ZSWIM5: variants seen among roughly 807,000 people sequenced by gnomAD.
ZSWIM5 encodes the protein zinc finger SWIM domain-containing protein 5.
Under a neutral mutation model 119.6 loss-of-function variants are expected in ZSWIM5, and 55 were observed. The ratio of observed to expected loss-of-function variants is 0.46; its 90% CI spans 0.37 to 0.58. The LOEUF is 0.58. Among genes scored for constraint, ZSWIM5 ranks in the 20% least tolerant of loss-of-function variants. The pLI is 0.00. For synonymous variants in ZSWIM5, 537 were observed against 606.9 expected (o/e 0.88, Z 1.69); for missense variants, 1,193 against 1,512.8 (o/e 0.79, Z 3.51).
intron 1 of ZSWIM5, among the ~76,000 whole-genome samples, chr1:45,176,922 G>A (rs1043231113): frequency 1.3e-5 from 2 of 152,038 alleles, no homozygotes; most frequent in Non-Finnish European, 2.9e-5. Context: ...AGCACCCCAT[G>A]CTAGGCCACT....
rs114801398 is a variant in ZSWIM5 at position 45,057,631 on chromosome 1, A to C, written c.1252+978T>G. 3.4e-3 allele frequency among the ~76,000 whole-genome samples: 523 copies of C among 152,362 alleles called. 2 individuals are homozygous for C. The highest frequency in any genetic ancestry group is 0.012 in the African/African-American group (500 of 41,586). On this transcript the variant is annotated intron_variant, in intron 4 of 13. Coordinates refer to ENST00000359600, the MANE Select transcript of ZSWIM5 (RefSeq NM_020883.2). This position sits in a 1 kb window ranked among gnomAD's most constrained non-coding sequence, Gnocchi z 4.7. ...TGTTACAGAGGGATATTTGATTTAA[A>C]GTCAGACAGATTGGGCTTCCAGTGT...
At chr1:45,153,476 A>T (rs1167208742) in intron 1 of ZSWIM5, among the ~76,000 whole-genome samples, 2 of 151,710 alleles carry the variant, frequency 1.3e-5, no homozygotes, top group African/African-American at 4.8e-5. Flanking sequence ...ACTGCCCTCC[A>T]ATCTGGGCAA....
chr1:45,035,668 A>G lies in ZSWIM5; in HGVS notation c.2291+20T>C, dbSNP rs942763638. The G allele has an allele frequency of 6.2e-7, 1 of 1,610,578 alleles. No individual in the cohort carries two copies. The highest frequency in any genetic ancestry group is 1.3e-5 in the African/African-American group (1 of 74,770). On this transcript the variant is annotated intron_variant, in intron 10 of 13. Transcript: ENST00000359600. ...CTTCTGCTTTGGTGGAGGCAATTGG[A>G]CTGGGAAAGGGCTACCCACCTCATG... is the stretch of plus-strand genomic sequence containing the variant.
At chr1:45,142,110 C>T (rs551469382) in intron 1 of ZSWIM5, among the ~76,000 whole-genome samples, 6 of 152,080 alleles carry the variant, frequency 3.9e-5, no homozygotes, top group African/African-American at 1.4e-4. Context: ...CTCAGGAGAA[C>T]AAGGTGAGAG....
chr1:45,178,102 C>A (rs1179787667), intron 1 of ZSWIM5, among the ~76,000 whole-genome samples: 1 of 151,994 alleles, frequency 6.6e-6, no homozygotes, highest in African/African-American at 2.4e-5. Context: ...CAAAACCCCA[C>A]GGATAGCAAG....
intron 1 of ZSWIM5, among the ~76,000 whole-genome samples, chr1:45,121,282 A>AT (rs1645590369): frequency 6.6e-6 from 1 of 151,748 alleles, no homozygotes; most frequent in African/African-American, 2.4e-5. Context: ...TCTTTGGATT[A>AT]TTTTTTCTCA....
Position 45,058,601 on chromosome 1 carries a change from G to A in ZSWIM5, c.1252+8C>T, listed in dbSNP as rs1645135937. 2 of 1,614,014 alleles carry A rather than the reference G, an allele frequency of 1.2e-6. No homozygotes were observed. Among genetic ancestry groups the A allele is most frequent in the Admixed American group, 1.7e-5 (1 of 59,996 alleles). On this transcript the variant is annotated splice_region_variant and intron_variant, in intron 4 of 13. Coordinates refer to ENST00000359600, the MANE Select transcript of ZSWIM5 (RefSeq NM_020883.2). ...AACAAAGCACTTCTCTGAATGATGG[G>A]AACTTACCTAGCTCATCCCAGAGCT...
intron 1 of ZSWIM5, among the ~76,000 whole-genome samples, chr1:45,133,360 G>C (rs1441742845): frequency 1.3e-5 from 2 of 152,094 alleles, no homozygotes; most frequent in Non-Finnish European, 2.9e-5. Context: ...TTCTCTGATG[G>C]CCAGTGATGA....
chr1:45,099,612 C>G (rs1645425679), intron 1 of ZSWIM5, among the ~76,000 whole-genome samples: 1 of 152,184 alleles, frequency 6.6e-6, no homozygotes. Flanking sequence ...GAATTTTAGA[C>G]CAATATCCCT....
chr1:45,184,442 A>G (rs1201947536), intron 1 of ZSWIM5, among the ~76,000 whole-genome samples: 2 of 152,216 alleles, frequency 1.3e-5, no homozygotes, highest in Non-Finnish European at 2.9e-5. Context: ...TCAATTAGGA[A>G]AAGAGGAAGT....
chr1:45,087,145 A>C (rs986502348), intron 2 of ZSWIM5, among the ~76,000 whole-genome samples: 3 of 152,082 alleles, frequency 2.0e-5, no homozygotes, highest in African/African-American at 7.2e-5. Context: ...TGACCTCCCA[A>C]AGTGCTGGGA....
chr1:45,093,443 G>A lies in ZSWIM5; in HGVS notation c.596-5206C>T, dbSNP rs1461529580. The stretch of plus-strand genomic sequence containing the variant: ...TATTTTTCAAAGCTAATTATACATG[G>A]CTCCCTAGAGGCTCTGGCTAAGGCT... On this transcript the variant is annotated intron_variant, in intron 1 of 13. Coordinates refer to ENST00000359600, the MANE Select transcript of ZSWIM5 (RefSeq NM_020883.2). Among the ~76,000 whole-genome samples the A allele has an allele frequency of 2.6e-5, 4 of 152,226 alleles. No homozygotes were observed. In the East Asian group the frequency reaches 5.8e-4, roughly 22 times the overall value.
intron 11 of ZSWIM5, among the ~76,000 whole-genome samples, chr1:45,022,911 T>C (rs1286672923): frequency 6.6e-6 from 1 of 152,266 alleles, no homozygotes; most frequent in Non-Finnish European, 1.5e-5. Context: ...GGATTCAACA[T>C]AGTGGCTTGT....
At position 45,020,648 on chromosome 1, in the gene ZSWIM5, C is replaced by A; in HGVS notation, c.2590G>T (p.Val864Phe). Reference protein sequence around the residue: ...DSSTDSTLLNVALELGLQVMR... With the variant: ...DSSTDSTLLNFALELGLQVMR... ...ACCTGTAACCCAAGTTCCAGGGCAA[C>A]GTTGAGCAGGGTGCTGTCAGTACTA... The change falls in exon 12 of 14, where the codon GTT becomes TTT. Residue 864 changes from valine (V) to phenylalanine (F), a missense_variant. Coordinates refer to ENST00000359600, the MANE Select transcript of ZSWIM5 (RefSeq NM_020883.2). 1 of 1,613,984 alleles carries A rather than the reference C, an allele frequency of 6.2e-7. No homozygotes were observed. The highest frequency in any genetic ancestry group is 8.5e-7 in the Non-Finnish European group (1 of 1,179,962).
intron 1 of ZSWIM5, among the ~76,000 whole-genome samples, chr1:45,180,954 C>A (rs1457646710): frequency 6.6e-6 from 1 of 151,972 alleles, no homozygotes; most frequent in Non-Finnish European, 1.5e-5. Context: ...CATCAAAGAC[C>A]AAAAGTACAT....
intron 1 of ZSWIM5, among the ~76,000 whole-genome samples, chr1:45,120,512 A>C (rs1645584857): frequency 6.6e-6 from 1 of 151,994 alleles, no homozygotes; most frequent in African/African-American, 2.4e-5. Context: ...CCCAGGCTGG[A>C]GAGTGCAATG....
At chr1:45,034,016 G>A (rs1312535362) in intron 11 of ZSWIM5, among the ~76,000 whole-genome samples, 3 of 152,054 alleles carry the variant, frequency 2.0e-5, no homozygotes, top group African/African-American at 7.2e-5. Flanking sequence ...CACCACGCCC[G>A]GCTACTTTTT....
chr1:45,165,155 A>G (rs1645893039), intron 1 of ZSWIM5, among the ~76,000 whole-genome samples: 1 of 152,168 alleles, frequency 6.6e-6, no homozygotes, highest in Admixed American at 6.6e-5. Flanking sequence ...ACTCAGGATT[A>G]ACAAACTCAC....
At chr1:45,028,984 G>A (rs1027052647) in intron 11 of ZSWIM5, among the ~76,000 whole-genome samples, 2 of 152,124 alleles carry the variant, frequency 1.3e-5, no homozygotes, top group African/African-American at 4.8e-5. Context: ...AAAGTTTGAA[G>A]AATAGAACAG....
Sources: allele counts gnomAD v4.1 joint callset (sites outside exome capture counted in the v4.1 genomes callset), GRCh38; gene constraint gnomAD v4.1.1; non-coding constraint Gnocchi (gnomAD v3.1); transcripts MANE v1.5; gene names NCBI Gene and HGNC (gene_info 2026-07-23, HGNC 2026-07-21).